TUBB8: variants seen among roughly 807,000 people sequenced by gnomAD.
TUBB8 encodes the protein tubulin beta 8 class VIII.
TUBB8 carries 25 observed loss-of-function variants against 33.7 expected under a neutral mutation model. The observed-to-expected ratio is 0.74, with a 90% CI of 0.54 to 1.04. The LOEUF is 1.04. Among genes scored for constraint, TUBB8 ranks in the 50% least tolerant of loss-of-function variants. TUBB8 has a pLI of 0.00. For missense variants in TUBB8, 279 were observed against 608.0 expected, an observed-to-expected ratio of 0.46 and a Z score of 5.69; for synonymous variants, 245 against 240.1, an observed-to-expected ratio of 1.02 and a Z score of -0.19.
intron 1 of TUBB8, among the ~76,000 whole-genome samples, chr10:56,977 A>G (rs1346556059): frequency 2.0e-5 from 3 of 152,090 alleles, no homozygotes; most frequent in Non-Finnish European, 4.4e-5. Context: ...TTCCAAGATA[A>G]AAATGGGGCA....
At chr10:75,966 C>T (rs1288252074), upstream of TUBB8, among the ~76,000 whole-genome samples, 4 of 151,712 alleles carry the variant, frequency 2.6e-5, no homozygotes, top group Admixed American at 1.3e-4. Context: ...TAGTGAAACC[C>T]GTCTCAACTA....
chr10:49,257 A>G lies in TUBB8; in HGVS notation c.-19T>C, dbSNP rs116058315. ...CCCTCATGGCCAAGGCGGGATTAGG[A>G]CGGCAGGAGAAACGTGAGAAGGAGG... On this transcript the variant is annotated 5_prime_UTR_variant, in exon 1 of 4. Transcript: ENST00000568584. 1.8e-3 allele frequency: 2,781 copies of G among 1,564,366 alleles called. 10 individuals carry two copies. The highest frequency in any genetic ancestry group is 7.1e-3 in the Middle Eastern group (33 of 4,640).
intron 1 of TUBB8, among the ~76,000 whole-genome samples, chr10:60,716 C>G (rs1834587363): frequency 6.6e-6 from 1 of 152,124 alleles, no homozygotes; most frequent in African/African-American, 2.4e-5. Flanking sequence ...CCCAGCCATC[C>G]CATTACTGGG....
chr10:49,046 G>A (rs1588272675), intron 1 of TUBB8, 134 bp from the exon 2 acceptor site: 12 of 1,190,088 alleles, frequency 1.0e-5, no homozygotes, highest in Middle Eastern at 3.1e-4. Flanking sequence ...CGGCCGCCTC[G>A]CCAGCCACCC....
chr10:75,654 CAAA>C (rs35362588), upstream of TUBB8, among the ~76,000 whole-genome samples: 6 of 93,546 alleles, frequency 6.4e-5, no homozygotes, highest in Admixed American at 1.2e-4. Flanking sequence ...GACTCTGTCT[CAAA>C]AAAAAAAAAA....
intron 3 of TUBB8, 157 bp downstream of exon 3, chr10:48,458 C>T: frequency 1.3e-6 from 1 of 743,012 alleles, no homozygotes; most frequent in Non-Finnish European, 2.3e-6. Flanking sequence ...CTCCCGAAGC[C>T]CATTTAGGAG....
chr10:48,497 A>G (rs1302641637), intron 3 of TUBB8, 118 bp downstream of exon 3: 2 of 973,710 alleles, frequency 2.1e-6, no homozygotes, highest in Non-Finnish European at 3.2e-6. Flanking sequence ...GACTCGGAGG[A>G]TAGGAGGGTG....
At position 47,014 on chromosome 10, in the gene TUBB8, A is replaced by G. The variant is rs1834341191; in HGVS notation, c.*43T>C. ...ACACATGGCTGTCAGAACACAGTAA[A>G]GAATCCACACTGCTTCCCCCCTTTA... On this transcript the variant is annotated 3_prime_UTR_variant, in exon 4 of 4. Coordinates refer to ENST00000568584, the MANE Select transcript of TUBB8 (RefSeq NM_177987.3). 1 of 675,842 alleles carries G rather than the reference A, an allele frequency of 1.5e-6. No homozygotes were observed. The highest frequency in any genetic ancestry group is 2.6e-6 in the Non-Finnish European group (1 of 390,932). 41.9% of individuals were successfully genotyped at this position (675,842 alleles called of 1,614,324 possible).
At position 49,160 on chromosome 10, in the gene TUBB8, C is replaced by T. The variant is rs575816007; in HGVS notation, c.57+22G>A. ...GCCACCCGGCAGGCCCGGGCTAGGC[C>T]CTCAGAGCCCCGGCTGCCAACCTTG... On this transcript the variant is annotated intron_variant, in intron 1 of 3. Transcript: ENST00000568584. 277 of 1,561,078 alleles carry T rather than the reference C, an allele frequency of 1.8e-4. 4 individuals are homozygous for T. In the South Asian group the frequency reaches 3.1e-3, roughly 17 times the overall value.
intron 1 of TUBB8, among the ~76,000 whole-genome samples, chr10:66,881 G>A (rs554080071): frequency 9.9e-5 from 15 of 152,268 alleles, no homozygotes; most frequent in East Asian, 5.8e-4. Context: ...GCTGAGGCGG[G>A]AGGATCACTT....
downstream of TUBB8, chr10:46,703 G>C (rs1347428255): frequency 1.1e-5 from 4 of 351,896 alleles, no homozygotes; most frequent in South Asian, 1.4e-4. Context: ...CAAGGCCCAG[G>C]GCATCCCCAA....
intron 1 of TUBB8, among the ~76,000 whole-genome samples, chr10:57,322 C>G (rs2914525): frequency 8.9e-3 from 1,344 of 151,092 alleles, no homozygotes; most frequent in African/African-American, 0.031. Flanking sequence ...GTGATCCTCT[C>G]CTCACAGGTC....
intron 1 of TUBB8, among the ~76,000 whole-genome samples, chr10:73,643 C>G (rs1588283032): frequency 1.3e-5 from 2 of 151,668 alleles, no homozygotes; most frequent in South Asian, 4.2e-4. Context: ...AAGTCCGTCT[C>G]CAAAACAAAA....
chr10:47,780 G>C lies in TUBB8; in HGVS notation c.612C>G (p.Asn204Lys), dbSNP rs369736529. 4 of 1,614,136 alleles carry C rather than the reference G, an allele frequency of 2.5e-6. No individual in the cohort carries two copies. In the African/African-American group the frequency reaches 4.0e-5, roughly 16 times the overall value. ...ENADETFCID[N>K]EALYDICSKT... is the part of the protein sequence containing the mutation. ...TGGAACATATGTCATACAGAGCTTC[G>C]TTATCTATGCAAAAGGTCTCATCTG... The change falls in exon 4 of 4, where the codon AAC becomes AAG. Residue 204 changes from asparagine to lysine, a missense_variant. By Grantham distance (94) the Asn-to-Lys change is moderately conservative. Transcript: ENST00000568584.
upstream of TUBB8, chr10:50,015 T>C: frequency 6.3e-6 from 1 of 159,502 alleles, no homozygotes; most frequent in Admixed American, 6.2e-5. Flanking sequence ...AATGCCTCGA[T>C]CTAACCAGTG....
At chr10:48,344 C>A in intron 3 of TUBB8, 1 of 631,870 alleles carries the variant, frequency 1.6e-6, no homozygotes, top group African/African-American at 1.8e-5. Context: ...CTGCAGGTGG[C>A]TCCTGCCCAT....
chr10:54,633 TA>T (rs1834506895), intron 1 of TUBB8, among the ~76,000 whole-genome samples: 1 of 152,252 alleles, frequency 6.6e-6, no homozygotes, highest in Non-Finnish European at 1.5e-5. Context: ...CTTATTTTCA[TA>T]AATGTCCAAT....
rs1421260552 is a variant in TUBB8, at chr10:47,187, C to T, written c.1205G>A (p.Gly402Asp). The change falls in exon 4 of 4, where the codon GGC (glycine) becomes GAC (aspartate). Residue 402 changes from glycine to aspartate, a missense_variant. Transcript: ENST00000568584. ...KAFLHWYTGE[G>D]MDEMEFTEAE... is the part of the protein sequence containing the mutation. ...CTCGGTGAATTCCATCTCATCCATG[C>T]CCTCGCCCGTGTACCAGTGGAGGAA... The T allele has an allele frequency of 2.1e-5, 34 of 1,610,606 alleles. No individual in the cohort carries two copies. Among genetic ancestry groups the T allele is most frequent in the Non-Finnish European group, 2.8e-5 (33 of 1,178,392 alleles).
At chr10:62,040 T>C (rs1256144115) in intron 1 of TUBB8, among the ~76,000 whole-genome samples, 2 of 152,174 alleles carry the variant, frequency 1.3e-5, no homozygotes, top group Non-Finnish European at 2.9e-5. Context: ...TGCTTCTCTA[T>C]CCATTCATCC....
Sources: gnomAD v4.1 joint callset for allele counts (sites outside exome capture counted in the v4.1 genomes callset) on GRCh38, gnomAD v4.1.1 for gene constraint, MANE v1.5 for transcripts, NCBI Gene and HGNC (gene_info 2026-07-23, HGNC 2026-07-21) for gene names.